Variants in RNMT observed in about 807,000 individuals in gnomAD.
RNMT encodes the protein RNA guanine-7 methyltransferase, also known as mRNA cap guanine-N(7) methyltransferase.
In RNMT, 27 loss-of-function variants were observed where a neutral mutation model predicts 56.0. That is an observed-to-expected ratio of 0.48 (90% CI 0.36 to 0.67). The LOEUF is 0.67. Among genes scored for constraint, RNMT ranks in the 30% least tolerant of loss-of-function variants. The pLI is 0.00. For synonymous variants in RNMT, 184 were observed against 176.2 expected (o/e 1.04, Z -0.35); for missense variants, 519 against 552.1 (o/e 0.94, Z 0.60).
In RNMT at chr18:13,761,688, T is replaced by G; in HGVS notation, c.*1709T>G. On this transcript the variant is annotated 3_prime_UTR_variant, in exon 12 of 12. Coordinates refer to ENST00000383314, the MANE Select transcript of RNMT (RefSeq NM_003799.3). ...AACAGAAAGGAGCAGAGAGCAAGAT[T>G]AGATCTGAGAAGATGCTCTGGGGAC... The G allele has an allele frequency of 8.5e-6, 9 of 1,056,546 alleles. No individual in the cohort carries two copies. Among genetic ancestry groups the G allele is most frequent in the Non-Finnish European group, 8.0e-6 (7 of 874,314 alleles). The allele number at this position is 1,056,546 out of a possible 1,614,324, so 65.4% of individuals were successfully genotyped here. A position where few individuals can be genotyped will look rare whatever the true frequency, so the allele number is the denominator to read the frequency against.
rs1275947432 is a variant in RNMT at position 13,760,513 on chromosome 18, G to C, written c.*534G>C. 1.0e-6 allele frequency: 1 copy of C among 985,312 alleles called. No homozygotes were observed. The allele number at this position is 985,312 out of a possible 1,614,324, so 61.0% of individuals were successfully genotyped here. A position where few individuals can be genotyped will look rare whatever the true frequency, so the allele number is the denominator to read the frequency against. ...TTCAGATGCTCATAAAAGTTACTTA[G>C]CTAAAATTTTAGCAATTTATTGCAT... is the stretch of plus-strand genomic sequence containing the variant. On this transcript the variant is annotated 3_prime_UTR_variant, in exon 12 of 12. Transcript: ENST00000383314.
At chr18:13,754,575 A>G (rs1293983029) in intron 11 of RNMT, among the ~76,000 whole-genome samples, 2 of 152,248 alleles carry the variant, frequency 1.3e-5, no homozygotes, top group African/African-American at 4.8e-5. Flanking sequence ...ACACACAAAT[A>G]CGTATATCTC....
chr18:13,741,318 T>A (rs1211243699), intron 6 of RNMT, among the ~76,000 whole-genome samples, 192 bp from the exon 7 acceptor site: 4 of 152,238 alleles, frequency 2.6e-5, no homozygotes, highest in African/African-American at 9.6e-5. Flanking sequence ...AGTTTTTAAA[T>A]ACTGTGAAAG....
chr18:13,742,121 T>C (rs1436586557), intron 7 of RNMT, among the ~76,000 whole-genome samples: 1 of 152,174 alleles, frequency 6.6e-6, no homozygotes, highest in Non-Finnish European at 1.5e-5. Flanking sequence ...GGAGGATTGC[T>C]TGAGGCCAGG....
intron 9 of RNMT, among the ~76,000 whole-genome samples, chr18:13,747,230 T>G (rs569737065): frequency 4.6e-5 from 3 of 65,434 alleles, no homozygotes; most frequent in African/African-American, 1.1e-4. Flanking sequence ...TTTTTTTTTT[T>G]TTGTTGTTAA....
chr18:13,755,168 C>T (rs1328731496), intron 11 of RNMT, among the ~76,000 whole-genome samples: 2 of 152,184 alleles, frequency 1.3e-5, no homozygotes, highest in African/African-American at 4.8e-5. Flanking sequence ...TAAATCTCTA[C>T]CTTCTAGAAG....
Position 13,732,762 on chromosome 18 carries a change from T to TTTTTTTTTTTTTTTTTTTC in RNMT, c.417+828_417+829insTTTTTTTTTTTTTTTTTTC. Among the ~76,000 whole-genome samples, 2 of 98,680 alleles carry TTTTTTTTTTTTTTTTTTTC rather than the reference T, an allele frequency of 2.0e-5. 1 individual carries two copies. Among genetic ancestry groups the TTTTTTTTTTTTTTTTTTTC allele is most frequent in the Non-Finnish European group, 3.8e-5 (2 of 53,222 alleles). The allele number at this position is 98,680 out of a possible 152,430, so 64.7% of individuals were successfully genotyped here. On this transcript the variant is annotated intron_variant, in intron 3 of 11. Coordinates refer to ENST00000383314, the MANE Select transcript of RNMT (RefSeq NM_003799.3). ...CCCCCCTTTTTTTTTTTTTTTTTTT[T>TTTTTTTTTTTTTTTTTTTC]GGAGACAGAGTCTCACTCTGTCTCC...
intron 8 of RNMT, among the ~76,000 whole-genome samples, chr18:13,743,340 AT>A (rs373721535): frequency 0.024 from 1,484 of 62,546 alleles, 123 homozygotes; most frequent in African/African-American, 0.064. Context: ...AAATAAATAA[AT>A]AAATAAATAA....
rs185286571 is a variant in RNMT, at chr18:13,742,264, G to A, written c.975-224G>A. 3.3e-5 allele frequency among the ~76,000 whole-genome samples: 5 copies of A among 151,812 alleles called. No individual in the cohort carries two copies. The East Asian group carries it at 9.7e-4, about 29-fold the overall frequency. ...GCAGGAGGATCACTTGAGCCCAGGA[G>A]TTGGTGGCTGTAGTGAGCTATGATC... On this transcript the variant is annotated intron_variant, in intron 7 of 11. Transcript: ENST00000383314.
Position 13,734,540 on chromosome 18 carries a change from G to A in RNMT, c.494G>A (p.Ser165Asn). ...ELQEVGLEKR[S>N]QSRIFYLRNF... ...CAGGAAGTTGGTTTGGAGAAGCGTA[G>A]TCAAAGTCGTATTTTTTACCTAAGA... The change falls in exon 4 of 12, where the codon AGT (serine) becomes AAT (asparagine). Residue 165 changes from serine (S) to asparagine (N), a missense_variant. Ser to Asn is a conservative substitution (Grantham distance 46, BLOSUM62 1). Coordinates refer to ENST00000383314, the MANE Select transcript of RNMT (RefSeq NM_003799.3). 6.2e-7 allele frequency: 1 copy of A among 1,613,648 alleles called. No individual in the cohort carries two copies. Among genetic ancestry groups the A allele is most frequent in the Non-Finnish European group, 8.5e-7 (1 of 1,179,656 alleles).
At position 13,737,002 on chromosome 18, in the gene RNMT, T is replaced by C; in HGVS notation, c.554-8T>C. The C allele has an allele frequency of 6.2e-7, 1 of 1,610,332 alleles. No homozygotes were observed. Among genetic ancestry groups the C allele is most frequent in the Non-Finnish European group, 8.5e-7 (1 of 1,178,362 alleles). ...GGTAGTTTATTGTGACTGATTTCTC[T>C]CTTTTAGGAGAATTTTTGGAAAAGG... On this transcript the variant is annotated splice_polypyrimidine_tract_variant and splice_region_variant and intron_variant, in intron 4 of 11. Coordinates refer to ENST00000383314, the MANE Select transcript of RNMT (RefSeq NM_003799.3).
At chr18:13,759,821 G>T (rs4797813) in intron 11 of RNMT, 121 bp from the exon 12 acceptor site, 649,005 of 733,770 alleles carry the variant, frequency 0.88, 287,646 homozygotes, top group East Asian at 0.97. Flanking sequence ...AATTAATGGG[G>T]ATTTTCCTCT....
intron 5 of RNMT, among the ~76,000 whole-genome samples, chr18:13,737,602 C>T (rs1490945153): frequency 6.6e-6 from 1 of 151,710 alleles, no homozygotes; most frequent in African/African-American, 2.4e-5. Context: ...ATTAATAAGC[C>T]TGGGATAACG....
intron 5 of RNMT, among the ~76,000 whole-genome samples, chr18:13,739,529 C>T (rs1033242258): frequency 6.6e-6 from 1 of 152,106 alleles, no homozygotes; most frequent in Admixed American, 6.5e-5. Context: ...TGCCTATAAT[C>T]CCCAGCACTT....
At chr18:13,757,919 C>G (rs2149109059) in intron 11 of RNMT, among the ~76,000 whole-genome samples, 1 of 152,290 alleles carries the variant, frequency 6.6e-6, no homozygotes, top group East Asian at 1.9e-4. Flanking sequence ...GATCAATGGG[C>G]TGCAGAATGG....
chr18:13,738,255 A>G (rs1291325171), intron 5 of RNMT, among the ~76,000 whole-genome samples: 1 of 152,206 alleles, frequency 6.6e-6, no homozygotes, highest in African/African-American at 2.4e-5. Flanking sequence ...TATATTGGAA[A>G]TTAAAGCTGA....
At chr18:13,755,692 C>T (rs1160811080) in intron 11 of RNMT, among the ~76,000 whole-genome samples, 1 of 152,166 alleles carries the variant, frequency 6.6e-6, no homozygotes, top group Non-Finnish European at 1.5e-5. Flanking sequence ...CACATACGAT[C>T]ATGCTTGACA....
At chr18:13,731,970 A>C in intron 3 of RNMT, 36 bp downstream of exon 3, 2 of 1,505,284 alleles carry the variant, frequency 1.3e-6, no homozygotes, top group Non-Finnish European at 8.9e-7. Flanking sequence ...TCATAATAGA[A>C]TATGTAAGTT....
chr18:13,744,159 C>CTTCTTTTTTTTT (rs2044308314), intron 8 of RNMT, among the ~76,000 whole-genome samples: 4 of 91,398 alleles, frequency 4.4e-5, no homozygotes, highest in African/African-American at 1.6e-4. Context: ...TAGCGGTCTT[C>CTTCTTTTTTTTT]TTTTTTTTTT....
Sources: allele counts gnomAD v4.1 joint callset (sites outside exome capture counted in the v4.1 genomes callset), GRCh38; gene constraint gnomAD v4.1.1; transcripts MANE v1.5; gene names NCBI Gene and HGNC (gene_info 2026-07-23, HGNC 2026-07-21).